PHKA2: variants seen among roughly 807,000 people sequenced by gnomAD.
PHKA2 encodes phosphorylase kinase regulatory subunit alpha 2.
In PHKA2, 31 loss-of-function variants were observed where a neutral mutation model predicts 102.0. That is an observed-to-expected ratio of 0.30 (90% confidence interval 0.23 to 0.41). The LOEUF (loss-of-function observed/expected upper bound fraction) is 0.41. Ranked by LOEUF, PHKA2 falls within the 10% of genes least tolerant of loss-of-function variation. PHKA2 has a pLI of 1.00. For missense variants in PHKA2, 858 were observed against 1,023.1 expected, an observed-to-expected ratio of 0.84 and a Z score of 2.20; for synonymous variants, 455 against 416.2, an observed-to-expected ratio of 1.09 and a Z score of -1.13.
intron 19 of PHKA2, among the ~76,000 whole-genome samples, chrX:18,917,486 T>C (rs1007842915): frequency 1.8e-5 from 2 of 110,203 alleles, no homozygotes; most frequent in Non-Finnish European, 3.8e-5. Context: ...CTCAAAGTCC[T>C]GGCCTCAAGT....
At chrX:18,908,163 T>G in intron 21 of PHKA2, 107 bp from the exon 22 acceptor site, 1 of 746,313 alleles carries the variant, frequency 1.3e-6, no homozygotes, top group East Asian at 3.2e-5. Flanking sequence ...CCAGTGCCCC[T>G]GAGTCTCACT....
intron 1 of PHKA2, among the ~76,000 whole-genome samples, chrX:18,975,573 T>C (rs2049077507): frequency 8.9e-6 from 1 of 112,393 alleles, no homozygotes; most frequent in African/African-American, 3.2e-5. Context: ...TAAACTTGCT[T>C]CCCCACAATT....
chrX:18,911,894 C>T (rs752038195), intron 19 of PHKA2, among the ~76,000 whole-genome samples: 1 of 111,950 alleles, frequency 8.9e-6, no homozygotes, highest in African/African-American at 3.2e-5. Context: ...ACTGAGAGAC[C>T]CAGAGAGGGC....
At chrX:18,935,029 A>G (rs1164046098) in intron 11 of PHKA2, among the ~76,000 whole-genome samples, 5 of 112,508 alleles carry the variant, frequency 4.4e-5, no homozygotes, top group Non-Finnish European at 9.4e-5. Context: ...AAGTTGCCAT[A>G]TGCCAGGCCT....
At chrX:18,933,941 C>T (rs1361177130) in intron 11 of PHKA2, among the ~76,000 whole-genome samples, 1 of 112,363 alleles carries the variant, frequency 8.9e-6, no homozygotes, top group Non-Finnish European at 1.9e-5. Flanking sequence ...TAGCTCTTAA[C>T]ACCTGGCATT....
intron 25 of PHKA2, 84 bp downstream of exon 25, chrX:18,906,411 C>G: frequency 9.0e-7 from 1 of 1,109,929 alleles, no homozygotes; most frequent in Non-Finnish European, 1.2e-6. Flanking sequence ...ATAACCTAAG[C>G]AGTTCTTCCC....
chrX:18,929,283 G>A lies in PHKA2; in HGVS notation c.1269C>T (p.Ile423=), dbSNP rs747730366. 3 of 1,165,977 alleles carry A rather than the reference G, an allele frequency of 2.6e-6. No homozygotes were observed. The highest frequency in any genetic ancestry group is 2.4e-5 in the Admixed American group (1 of 42,235). Reference sequence around the variant, plus strand: ...TGGAAAATCTTCTATTTAAGGGATCGATTTCACCAGCGGCAAGGAATCCCT... The same window carrying A: ...TGGAAAATCTTCTATTTAAGGGATCAATTTCACCAGCGGCAAGGAATCCCT... ...LAEGFLAAGE[I]DPLNRRFSTS... Residue 423 remains isoleucine, a synonymous_variant, in exon 13 of 33, where the codon ATC becomes ATT. Transcript: ENST00000379942.
At chrX:18,939,474 G>T (rs1054616378) in intron 9 of PHKA2, among the ~76,000 whole-genome samples, 1 of 111,261 alleles carries the variant, frequency 9.0e-6, no homozygotes, top group African/African-American at 3.3e-5. Context: ...CACTGCACCT[G>T]GCCTACAAGT....
At chrX:18,957,517 T>C (rs1426045458) in intron 1 of PHKA2, among the ~76,000 whole-genome samples, 1 of 111,430 alleles carries the variant, frequency 9.0e-6, no homozygotes, top group Non-Finnish European at 1.9e-5. Context: ...TTTAACCATA[T>C]GTTGCTTTCC....
At chrX:18,936,668 T>TA (rs1287292227) in intron 10 of PHKA2, among the ~76,000 whole-genome samples, 5 of 112,139 alleles carry the variant, frequency 4.5e-5, no homozygotes, top group Non-Finnish European at 3.8e-5. Context: ...TATTCAGCCA[T>TA]AAAAAAAGAA....
At chrX:18,951,353 G>T in intron 3 of PHKA2, 81 bp from the exon 4 acceptor site, 1 of 983,397 alleles carries the variant, frequency 1.0e-6, no homozygotes, top group Non-Finnish European at 1.5e-6. Context: ...CAGCCACCTG[G>T]ATCTAGAGCT....
At chrX:18,983,298 G>A (rs1309015510) in intron 1 of PHKA2, among the ~76,000 whole-genome samples, 1 of 112,731 alleles carries the variant, frequency 8.9e-6, no homozygotes, top group Non-Finnish European at 1.9e-5. Flanking sequence ...GACCCTGTGA[G>A]CTTGGGAGCC....
At chrX:18,957,759 T>TAA (rs772954301) in intron 1 of PHKA2, among the ~76,000 whole-genome samples, 5 of 105,696 alleles carry the variant, frequency 4.7e-5, no homozygotes, top group East Asian at 5.8e-4. Flanking sequence ...TATATATATA[T>TAA]AATTGTACCC....
At position 18,984,073 on chromosome X, in the gene PHKA2, G is replaced by C. The variant is rs2049226663; in HGVS notation, c.-141C>G. ...GGATGGGACCGGGCCGGAGGAGGTC[G>C]AGACTTTTCTAAACGCTAGCCCCAA... is the stretch of plus-strand genomic sequence containing the variant. On this transcript the variant is annotated 5_prime_UTR_variant, in exon 1 of 33. Transcript: ENST00000379942. The C allele has an allele frequency of 3.8e-6, 2 of 520,343 alleles. No individual in the cohort carries two copies. Among genetic ancestry groups the C allele is most frequent in the South Asian group, 2.6e-5 (1 of 38,900 alleles). The allele number at this position is 520,343 out of a possible 1,213,427, so 42.9% of individuals were successfully genotyped here.
intron 1 of PHKA2, among the ~76,000 whole-genome samples, chrX:18,980,273 C>T (rs1217775301): frequency 8.9e-6 from 1 of 112,653 alleles, no homozygotes; most frequent in Non-Finnish European, 1.9e-5. Flanking sequence ...CGGGAAAGAC[C>T]TGACAGTCCT....
intron 1 of PHKA2, among the ~76,000 whole-genome samples, chrX:18,977,148 G>A (rs1341869572): frequency 9.0e-6 from 1 of 111,024 alleles, no homozygotes; most frequent in African/African-American, 3.3e-5. Context: ...TTTCTTTTTT[G>A]ATCCATGACA....
At chrX:18,939,916 C>A in intron 9 of PHKA2, 79 bp downstream of exon 9, 1 of 699,683 alleles carries the variant, frequency 1.4e-6, no homozygotes, top group Non-Finnish European at 2.3e-6. Context: ...AAATTATAAT[C>A]AGCAGAGGGA....
In PHKA2 at chrX:18,907,961, T is replaced by G; in HGVS notation, c.2456A>C (p.Glu819Ala). Reference sequence around the variant, plus strand: ...TGAGATGTAGCGAATCAGACCCCACTCCTGGTTCAAGCCGGCTTTCCCATA... The same window carrying G: ...TGAGATGTAGCGAATCAGACCCCACGCCTGGTTCAAGCCGGCTTTCCCATA... ...ELYGKAGLNQ[E>A]WGLIRYISGL... The change falls in exon 22 of 33, where the codon GAG becomes GCG. Residue 819 changes from glutamate to alanine, a missense_variant. This residue lies in a region of PHKA2 where 671 missense variants were observed against 745.2 expected (regional missense o/e 0.90). Coordinates refer to ENST00000379942, the MANE Select transcript of PHKA2 (RefSeq NM_000292.3). 8.3e-7 allele frequency: 1 copy of G among 1,211,155 alleles called. No homozygotes were observed. Among genetic ancestry groups the G allele is most frequent in the Non-Finnish European group, 1.1e-6 (1 of 894,957 alleles).
intron 14 of PHKA2, among the ~76,000 whole-genome samples, chrX:18,926,077 A>T (rs1307524413): frequency 8.9e-6 from 1 of 112,758 alleles, no homozygotes; most frequent in African/African-American, 3.2e-5. Flanking sequence ...AATAGTAAAC[A>T]AAGTCAGATT....
Sources: gnomAD v4.1 joint callset for allele counts (sites outside exome capture counted in the v4.1 genomes callset) on GRCh38, gnomAD v4.1.1 for gene constraint, gnomAD v4.1.1 regional missense constraint, MANE v1.5 for transcripts, NCBI Gene and HGNC (gene_info 2026-07-23, HGNC 2026-07-21) for gene names.